Variants in JAM2 observed in about 807,000 individuals in gnomAD.
JAM2 encodes the protein junctional adhesion molecule 2, also known as junctional adhesion molecule B.
Under a neutral mutation model 42.0 loss-of-function variants are expected in JAM2, and 17 were observed. The observed-to-expected ratio is 0.40, with a 90% CI of 0.28 to 0.61. JAM2 has a LOEUF of 0.61. Ranked by LOEUF, JAM2 falls within the 20% of genes least tolerant of loss-of-function variation. The pLI is 0.37. For synonymous variants in JAM2, 118 were observed against 128.6 expected, an observed-to-expected ratio of 0.92 and a Z score of 0.56; for missense variants, 319 against 358.3, an observed-to-expected ratio of 0.89 and a Z score of 0.89.
intron 4 of JAM2, among the ~76,000 whole-genome samples, chr21:25,696,522 A>G (rs538655216): frequency 3.3e-4 from 50 of 152,332 alleles, no homozygotes; most frequent in Non-Finnish European, 6.2e-4. Flanking sequence ...AAAACCTTGC[A>G]GCAGATCCGG....
intron 1 of JAM2, among the ~76,000 whole-genome samples, chr21:25,675,883 C>T (rs1276545333): frequency 6.6e-6 from 1 of 152,142 alleles, no homozygotes; most frequent in South Asian, 2.1e-4. Flanking sequence ...ACTATCAAAA[C>T]CACATGGCCA....
chr21:25,669,028 GA>G (rs1418431570), intron 1 of JAM2, among the ~76,000 whole-genome samples: 1 of 152,010 alleles, frequency 6.6e-6, no homozygotes, highest in African/African-American at 2.4e-5. Context: ...AAAGGAGGAA[GA>G]ATTTAAACCC....
chr21:25,672,032 G>A (rs573193376), intron 1 of JAM2, among the ~76,000 whole-genome samples: 24 of 152,300 alleles, frequency 1.6e-4, no homozygotes, highest in African/African-American at 4.1e-4. Flanking sequence ...TCTACGTAGC[G>A]TGGGAGGTGG....
chr21:25,714,210 A>G, intron 9 of JAM2: 1 of 1,302,522 alleles, frequency 7.7e-7, no homozygotes, highest in Non-Finnish European at 1.0e-6. Flanking sequence ...GTTTAATTAA[A>G]TATATACTGG....
chr21:25,702,070 A>T, intron 5 of JAM2, 100 bp from the exon 6 acceptor site: 1 of 549,926 alleles, frequency 1.8e-6, no homozygotes. Flanking sequence ...TTTAAAAAGG[A>T]AAGACAAACT....
chr21:25,665,264 TAAGGTTTA>T (rs997974077), intron 1 of JAM2, among the ~76,000 whole-genome samples: 10 of 152,184 alleles, frequency 6.6e-5, no homozygotes, highest in African/African-American at 2.4e-4. Context: ...AAGATGGTAT[TAAGGTTTA>T]AAGGCAAGTG....
intron 1 of JAM2, among the ~76,000 whole-genome samples, chr21:25,655,223 T>C (rs1230583002): frequency 1.3e-5 from 2 of 151,762 alleles, no homozygotes; most frequent in East Asian, 3.8e-4. Context: ...ATCTGGATGA[T>C]GACTATATGG....
At position 25,717,435 on chromosome 21, in the gene JAM2, T is replaced by C; in HGVS notation, c.*2763T>C. On this transcript the variant is annotated 3_prime_UTR_variant, in exon 10 of 10. Coordinates refer to ENST00000480456, the MANE Select transcript of JAM2 (RefSeq NM_021219.4). The stretch of plus-strand genomic sequence containing the variant: ...TTATTGTTGCTGTTGTAACTAGATT[T>C]AATTTATTTTTAGTTGGAGGTTTGA... 4.8e-6 allele frequency: 2 copies of C among 414,180 alleles called. No homozygotes were observed. Among genetic ancestry groups the C allele is most frequent in the Non-Finnish European group, 8.3e-6 (2 of 240,320 alleles). The allele number at this position is 414,180 out of a possible 1,614,324, so 25.7% of individuals were successfully genotyped here. A position where few individuals can be genotyped will look rare whatever the true frequency, so the allele number is the denominator to read the frequency against.
At chr21:25,672,511 G>A (rs911719779) in intron 1 of JAM2, among the ~76,000 whole-genome samples, 1 of 152,176 alleles carries the variant, frequency 6.6e-6, no homozygotes, top group African/African-American at 2.4e-5. Context: ...AAATGAGTAA[G>A]TATATTTCTA....
chr21:25,675,468 C>A (rs779273038), intron 1 of JAM2, among the ~76,000 whole-genome samples: 2 of 150,840 alleles, frequency 1.3e-5, no homozygotes, highest in Non-Finnish European at 2.9e-5. Flanking sequence ...TGCACTCTAG[C>A]CTTGGTGACA....
At chr21:25,658,104 CTG>C (rs2032987868) in intron 1 of JAM2, among the ~76,000 whole-genome samples, 1 of 152,070 alleles carries the variant, frequency 6.6e-6, no homozygotes, top group South Asian at 2.1e-4. Context: ...GAAAGGGTAA[CTG>C]TAAGGCAGGC....
chr21:25,660,783 T>TATATATATATATATATC (rs59547156), intron 1 of JAM2, among the ~76,000 whole-genome samples: 1 of 36,394 alleles, frequency 2.7e-5, no homozygotes, highest in African/African-American at 1.9e-4. Context: ...TATATATATA[T>TATATATATATATATATC]TTTTTTTTTT....
intron 2 of JAM2, among the ~76,000 whole-genome samples, chr21:25,684,508 C>T (rs11087971): frequency 0.51 from 77,053 of 152,030 alleles, 19,933 homozygotes; most frequent in South Asian, 0.67. Context: ...GTGAATTTTA[C>T]GTTTATTTTG....
Position 25,714,645 on chromosome 21 carries a change from C to G in JAM2, c.870C>G (p.Phe290Leu). 6.7e-7 allele frequency: 1 copy of G among 1,503,286 alleles called. No homozygotes were observed. The highest frequency in any genetic ancestry group is 1.3e-5 in the South Asian group (1 of 79,462). 93.1% of individuals were successfully genotyped at this position (1,503,286 alleles called of 1,614,324 possible). A position where few individuals can be genotyped will look rare whatever the true frequency, so the allele number is the denominator to read the frequency against. ...SKATTMSEND[F>L]KHTKSFII Reference sequence around the variant, plus strand: ...TTTTTTCTTTCTTTTCCTAGGATTTCAAGCACACAAAATCCTTTATAATTT... The same window carrying G: ...TTTTTTCTTTCTTTTCCTAGGATTTGAAGCACACAAAATCCTTTATAATTT... The change falls in exon 10 of 10, where the codon TTC becomes TTG. Residue 290 changes from phenylalanine to leucine, a missense_variant. Phe to Leu is a conservative substitution (Grantham distance 22, BLOSUM62 0). Transcript: ENST00000480456.
chr21:25,712,078 C>A, intron 8 of JAM2: 2 of 388,072 alleles, frequency 5.2e-6, no homozygotes, highest in Non-Finnish European at 9.4e-6. Context: ...TTGTGTATTC[C>A]ACAAAAATCT....
chr21:25,639,807 T>TGCCGCCCCGGGAAGATGGCGAGGAGGA lies in JAM2; in HGVS notation c.-8_19dup. ...CCTCGACCTCCTCAGAGCAGCCGGC[T>TGCCGCCCCGGGAAGATGGCGAGGAGGA]GCCGCCCCGGGAAGATGGCGAGGAG... On this transcript the variant is annotated 5_prime_UTR_variant, in exon 1 of 10. In the 5' UTR this introduces an upstream ATG that the reference lacks. Coordinates refer to ENST00000480456, the MANE Select transcript of JAM2 (RefSeq NM_021219.4). 6.4e-7 allele frequency: 1 copy of TGCCGCCCCGGGAAGATGGCGAGGAGGA among 1,569,430 alleles called. No individual in the cohort carries two copies. The highest frequency in any genetic ancestry group is 8.6e-7 in the Non-Finnish European group (1 of 1,160,616).
At position 25,715,607 on chromosome 21, in the gene JAM2, T is replaced by G. The variant is rs1024688131; in HGVS notation, c.*935T>G. 5 of 152,088 alleles carry G rather than the reference T, an allele frequency of 3.3e-5. No individual in the cohort carries two copies. The highest frequency in any genetic ancestry group is 5.9e-5 in the Non-Finnish European group (4 of 68,026). The allele number at this position is 152,088 out of a possible 1,614,324, so 9.4% of individuals were successfully genotyped here. ...AATTCTGCTTTTGGACAAGGAGGGA[T>G]GTGGAGGGAAGAAGTAATAGTCTAC... On this transcript the variant is annotated 3_prime_UTR_variant, in exon 10 of 10. Coordinates refer to ENST00000480456, the MANE Select transcript of JAM2 (RefSeq NM_021219.4).
At chr21:25,713,451 T>C (rs2034421371) in intron 9 of JAM2, among the ~76,000 whole-genome samples, 1 of 151,190 alleles carries the variant, frequency 6.6e-6, no homozygotes, top group Admixed American at 6.6e-5. Flanking sequence ...GGAGTTCCTA[T>C]GGTTTTAGAG....
At chr21:25,695,836 C>A (rs1392806474) in intron 4 of JAM2, among the ~76,000 whole-genome samples, 1 of 150,768 alleles carries the variant, frequency 6.6e-6, no homozygotes. Flanking sequence ...GACCGGGCGG[C>A]GGGGCAGAGG....
Sources: allele counts gnomAD v4.1 joint callset (sites outside exome capture counted in the v4.1 genomes callset), GRCh38; gene constraint gnomAD v4.1.1; transcripts MANE v1.5; gene names NCBI Gene and HGNC (gene_info 2026-07-23, HGNC 2026-07-21).